MADD: variants seen among roughly 807,000 people sequenced by gnomAD.
MADD encodes the protein MAP kinase-activating death domain protein.
A neutral mutation model predicts 176.7 loss-of-function variants in MADD; 109 were observed. The ratio of observed to expected loss-of-function variants is 0.62; its 90% CI spans 0.53 to 0.72. MADD has a LOEUF of 0.72. Among genes scored for constraint, MADD ranks in the 30% least tolerant of loss-of-function variants. MADD has a pLI of 0.00. For missense variants in MADD, 1,914 were observed against 2,045.5 expected, an observed-to-expected ratio of 0.94 and a Z score of 1.24; for synonymous variants, 771 against 771.3, an observed-to-expected ratio of 1.00 and a Z score of 0.01.
At chr11:47,299,283 G>C (rs548277274) in intron 22 of MADD, among the ~76,000 whole-genome samples, 3 of 151,800 alleles carry the variant, frequency 2.0e-5, no homozygotes, top group Admixed American at 6.6e-5. Flanking sequence ...CACAATATTC[G>C]TCCAATCCAT....
At chr11:47,302,573 C>T (rs914575506) in intron 22 of MADD, among the ~76,000 whole-genome samples, 7 of 152,140 alleles carry the variant, frequency 4.6e-5, no homozygotes, top group African/African-American at 1.7e-4. Flanking sequence ...CTCTTGCTTG[C>T]TTTTGGTTTC....
At chr11:47,316,687 C>T (rs1475115647) in intron 27 of MADD, among the ~76,000 whole-genome samples, 2 of 152,104 alleles carry the variant, frequency 1.3e-5, no homozygotes, top group Non-Finnish European at 2.9e-5. Context: ...GTGCACCCGG[C>T]CTTCCAGTGG....
exon 2 of MADD, chr11:47,273,956 T>C (rs748903734): frequency 1.2e-6 from 2 of 1,614,138 alleles, no homozygotes; most frequent in South Asian, 1.1e-5. Context: ...TACTTGACTA[T>C]CTAGTGATCG....
chr11:47,295,465 C>G, intron 20 of MADD, 31 bp from the exon 23 acceptor site: 1 of 1,547,646 alleles, frequency 6.5e-7, no homozygotes, highest in Non-Finnish European at 8.9e-7. Context: ...AGATTGGACA[C>G]CTCCCCTAAT....
intron 31 of MADD, chr11:47,328,121 G>A (rs1201491158): frequency 1.0e-6 from 1 of 1,003,846 alleles, no homozygotes; most frequent in Non-Finnish European, 1.2e-6. Flanking sequence ...CACATCCTGT[G>A]GGTTTATATC....
chr11:47,294,627 G>A (rs193140446), intron 20 of MADD, among the ~76,000 whole-genome samples: 93 of 126,380 alleles, frequency 7.4e-4, no homozygotes, highest in African/African-American at 2.7e-3. Context: ...CTGAGATTGC[G>A]CCACTGCACT....
chr11:47,315,528 G>A lies in MADD; in HGVS notation c.4197+201G>A, dbSNP rs139742523. Among the ~76,000 whole-genome samples, 962 of 152,302 alleles carry A rather than the reference G, an allele frequency of 6.3e-3. 10 individuals carry two copies. The highest frequency in any genetic ancestry group is 0.022 in the African/African-American group (923 of 41,566). On this transcript the variant is annotated intron_variant, in intron 27 of 32. Coordinates refer to ENST00000402192, the Ensembl canonical transcript of MADD. The stretch of plus-strand genomic sequence containing the variant: ...CTCGCTCTGTCACCCAGGCTGGAGT[G>A]TAGTGGCTTGATCTCGGCTCACTGC...
At chr11:47,309,288 G>C (rs756262825) in exon 24 of MADD, 1 of 1,614,184 alleles carries the variant, frequency 6.2e-7, no homozygotes, top group Admixed American at 1.7e-5. Context: ...CAGGCAAAGA[G>C]CGTTCTACTT....
At chr11:47,296,764 GTTTT>G (rs753454831) in intron 22 of MADD, among the ~76,000 whole-genome samples, 1 of 116,914 alleles carries the variant, frequency 8.6e-6, no homozygotes. Flanking sequence ...GTTTTTTGTT[GTTTT>G]TTTTTTTTTT....
At chr11:47,318,172 C>A (rs1565544861) in intron 27 of MADD, among the ~76,000 whole-genome samples, 1 of 152,080 alleles carries the variant, frequency 6.6e-6, no homozygotes, top group African/African-American at 2.4e-5. Flanking sequence ...AGGAAATTGG[C>A]CGTGTTTTCT....
intron 27 of MADD, among the ~76,000 whole-genome samples, chr11:47,318,579 A>T: frequency 6.6e-6 from 1 of 152,020 alleles, no homozygotes; most frequent in East Asian, 1.9e-4. Flanking sequence ...TACTCTCACC[A>T]CCGTACAAAG....
chr11:47,284,834 CCT>C (rs2059494861), intron 12 of MADD, 105 bp from the exon 13 acceptor site: 4 of 1,477,030 alleles, frequency 2.7e-6, no homozygotes, highest in Non-Finnish European at 3.7e-6. Flanking sequence ...CCCACACATT[CCT>C]TAGGCTAGAA....
intron 25 of MADD, among the ~76,000 whole-genome samples, 182 bp from the exon 29 acceptor site, chr11:47,311,550 C>A (rs2089230162): frequency 6.6e-6 from 1 of 152,200 alleles, no homozygotes; most frequent in Non-Finnish European, 1.5e-5. Context: ...AGAGCCAGGA[C>A]TTTTCTTCCC....
intron 1 of MADD, among the ~76,000 whole-genome samples, chr11:47,273,041 A>C (rs545327636): frequency 1.3e-5 from 2 of 152,324 alleles, no homozygotes; most frequent in Admixed American, 6.5e-5. Flanking sequence ...TTATTGTCTG[A>C]GCATGGTTAA....
At chr11:47,269,774 G>C (rs1265814623), upstream of MADD, 1 of 152,184 alleles carries the variant, frequency 6.6e-6, no homozygotes, top group Non-Finnish European at 1.5e-5. Context: ...GGGGACTGGG[G>C]GATGGGGAGC....
intron 7 of MADD, 149 bp downstream of exon 7, chr11:47,279,228 A>G (rs1168863753): frequency 1.5e-6 from 1 of 668,734 alleles, no homozygotes; most frequent in Non-Finnish European, 2.6e-6. Flanking sequence ...CGCGTATCCC[A>G]TTTCTGGGTG....
exon 22 of MADD, chr11:47,296,048 C>T (rs773007135): frequency 1.2e-6 from 2 of 1,612,780 alleles, no homozygotes; most frequent in African/African-American, 2.7e-5. Context: ...GCCACAAGCA[C>T]CATCTTTGTA....
At chr11:47,296,710 G>A (rs1027978194) in intron 22 of MADD, among the ~76,000 whole-genome samples, 14 of 151,508 alleles carry the variant, frequency 9.2e-5, no homozygotes, top group Non-Finnish European at 1.8e-4. Context: ...CCCATGATCA[G>A]CTGGAAGGAG....
At chr11:47,290,440 C>G in intron 18 of MADD, 141 bp downstream of exon 19, 1 of 1,288,458 alleles carries the variant, frequency 7.8e-7, no homozygotes. Context: ...TTTTCTAATG[C>G]ATGTTTATAC....
Sources: gnomAD v4.1 joint callset for allele counts (sites outside exome capture counted in the v4.1 genomes callset) on GRCh38, gnomAD v4.1.1 for gene constraint, MANE v1.5 for transcripts, NCBI Gene and HGNC (gene_info 2026-07-23, HGNC 2026-07-21) for gene names.